Variants in TTN observed in about 807,000 individuals in gnomAD.
TTN encodes connectin.
A neutral mutation model predicts 3,223.0 loss-of-function variants in TTN; 1,525 were observed. That is an observed-to-expected ratio of 0.47 (90% CI 0.45 to 0.49). TTN has a LOEUF of 0.49. Among genes scored for constraint, TTN ranks in the 20% least tolerant of loss-of-function variants. The probability of loss-of-function intolerance (pLI) is 0.00; values close to 1 mark genes in which losing one functional copy is unlikely to be tolerated. For synonymous variants in TTN, 14,094 were observed against 15,161.0 expected, an observed-to-expected ratio of 0.93 and a Z score of 5.17; for missense variants, 40,786 against 43,424.0, an observed-to-expected ratio of 0.94 and a Z score of 5.40.
rs769624146 is a variant in TTN at position 178,604,711 on chromosome 2, A to G, written c.54378T>C (p.Tyr18126=). The change falls in exon 281 of 363, where the codon TAT becomes TAC. Residue 18126 remains tyrosine, a synonymous_variant. Coordinates refer to ENST00000589042, the MANE Select transcript of TTN (RefSeq NM_001267550.2). Reference sequence around the variant, plus strand: ...GAAAATATTCAGAAGAGTTTACCCCATATCTTTTCTCTACAGCAGTGTTGG... The same window carrying G: ...GAAAATATTCAGAAGAGTTTACCCCGTATCTTTTCTCTACAGCAGTGTTGG... ...EVTNTAVEKR[Y]GIWKLIPNGQ... 3.1e-6 allele frequency: 5 copies of G among 1,605,440 alleles called. No individual in the cohort carries two copies. The East Asian group carries it at 9.0e-5, about 29-fold the overall frequency.
At position 178,785,611 on chromosome 2, in the gene TTN, ACTT is replaced by A. The variant is rs1238359547; in HGVS notation, c.2493+6_2493+8del. On this transcript the variant is annotated splice_donor_region_variant and intron_variant, in intron 15 of 362. Transcript: ENST00000589042. ...AAACATTTCTGTATCATGCTCTGTA[ACTT>A]CTTACCTCATATCCATGTTCTGTCT... 2.5e-6 allele frequency: 4 copies of A among 1,613,882 alleles called. No individual in the cohort carries two copies. Among genetic ancestry groups the A allele is most frequent in the Non-Finnish European group, 3.4e-6 (4 of 1,179,998 alleles).
Position 178,612,523 on chromosome 2 carries a change from C to G in TTN, c.50002G>C (p.Ala16668Pro). Residue 16668 changes from alanine to proline, a missense_variant, in exon 266 of 363, where the codon GCA becomes CCA. Physicochemically the swap from Ala to Pro is conservative, Grantham distance 27. Coordinates refer to ENST00000589042, the MANE Select transcript of TTN (RefSeq NM_001267550.2). ...TCAGGAACTGTCCATTTTAGGTCTG[C>G]TGTATTTTTTGTGATATTAATAACT... ...LEVINITKNT[A>P]DLKWTVPEKD... 6.2e-7 allele frequency: 1 copy of G among 1,611,720 alleles called. No individual in the cohort carries two copies. Among genetic ancestry groups the G allele is most frequent in the Non-Finnish European group, 8.5e-7 (1 of 1,179,056 alleles).
At position 178,644,582 on chromosome 2, in the gene TTN, C is replaced by T. The variant is rs1159815730; in HGVS notation, c.40443G>A (p.Gln13481=). 10 of 1,579,184 alleles carry T rather than the reference C, an allele frequency of 6.3e-6. No individual in the cohort carries two copies. The highest frequency in any genetic ancestry group is 6.0e-5 in the South Asian group (5 of 83,594). The change falls in exon 218 of 363, where the codon CAG becomes CAA. Residue 13481 remains glutamine, a synonymous_variant. Coordinates refer to ENST00000589042, the MANE Select transcript of TTN (RefSeq NM_001267550.2). ...IPKKKVPEKP[Q]VPEKVELTPL... is the part of the protein sequence containing the mutation. Reference sequence around the variant, plus strand: ...GTGTAAGCTCCACTTTTTCTGGAACCTGAGGTTTTTCAGGAACTTTCTTCT... The same window carrying T: ...GTGTAAGCTCCACTTTTTCTGGAACTTGAGGTTTTTCAGGAACTTTCTTCT...
rs752794705 is a variant in TTN, at chr2:178,581,600, A to G, written c.66668T>C (p.Met22223Thr). Residue 22223 changes from methionine (M) to threonine (T), a missense_variant, in exon 316 of 363, where the codon ATG (methionine) becomes ACG (threonine). Met to Thr is a moderately conservative substitution (Grantham distance 81). Transcript: ENST00000589042. Reference protein sequence around the residue: ...QKTRFEVTGLMEDTQYQFRVY... With the variant: ...QKTRFEVTGLTEDTQYQFRVY... ...ACGGAATTGATATTGTGTGTCTTCCATCAGGCCAGTAACCTCAAAGCGGGT... is the reference window on the plus strand; with the variant it reads ...ACGGAATTGATATTGTGTGTCTTCCGTCAGGCCAGTAACCTCAAAGCGGGT... The G allele has an allele frequency of 6.2e-6, 10 of 1,612,666 alleles. No homozygotes were observed. The highest frequency in any genetic ancestry group is 8.5e-6 in the Non-Finnish European group (10 of 1,179,224).
At chr2:178,747,742 A>C in intron 47 of TTN, 1 of 1,611,558 alleles carries the variant, frequency 6.2e-7, no homozygotes, top group East Asian at 2.2e-5. Flanking sequence ...ATTTAGGAAT[A>C]TTTTGAGAAA....
Position 178,568,798 on chromosome 2 carries a change from C to T in TTN, c.77334G>A (p.Gly25778=), listed in dbSNP as rs756671220. The part of the protein sequence containing the change: ...LFRVVAVNEK[G]RSDPRSLAVP... ...CTGCAAGGGACCGAGGATCACTTCT[C>T]CCCTTTTCATTTACAGCAACAACTC... is the stretch of plus-strand genomic sequence containing the variant. Residue 25778 remains glycine (G), a synonymous_variant, in exon 326 of 363, where the codon GGG becomes GGA. Transcript: ENST00000589042. The T allele has an allele frequency of 6.2e-7, 1 of 1,613,186 alleles. No homozygotes were observed. The highest frequency in any genetic ancestry group is 2.2e-5 in the East Asian group (1 of 44,768).
Position 178,587,957 on chromosome 2 carries a change from T to G in TTN, c.63450A>C (p.Gln21150His). 6.2e-7 allele frequency: 1 copy of G among 1,610,964 alleles called. No individual in the cohort carries two copies. The highest frequency in any genetic ancestry group is 8.5e-7 in the Non-Finnish European group (1 of 1,178,484). Reference sequence around the variant, plus strand: ...GCTCTGCAGGGCGCCCAATACCAACTTGGTTTTGGGCACACACCCTGAACT... The same window carrying G: ...GCTCTGCAGGGCGCCCAATACCAACGTGGTTTTGGGCACACACCCTGAACT... ...EYEFRVCAQN[Q>H]VGIGRPAELK... Residue 21150 changes from glutamine (Q) to histidine (H), a missense_variant, in exon 305 of 363, where the codon CAA (glutamine) becomes CAC (histidine). Transcript: ENST00000589042.
rs1559147307 is a variant in TTN, at chr2:178,546,311, C to A, written c.95020G>T (p.Val31674Leu). Reference protein sequence around the residue: ...LQYTGKRATAVIKFCDRSDSG... With the variant: ...LQYTGKRATALIKFCDRSDSG... ...TCACTTCTGTCACAGAACTTGATCA[C>A]AGCAGTTGCTCGTTTGCCAGTATAC... Residue 31674 changes from valine (V) to leucine (L), a missense_variant, in exon 342 of 363, where the codon GTG becomes TTG. By Grantham distance (32) the Val-to-Leu change is conservative (BLOSUM62 1). Transcript: ENST00000589042. The A allele has an allele frequency of 6.2e-7, 1 of 1,613,872 alleles. No individual in the cohort carries two copies. Among genetic ancestry groups the A allele is most frequent in the Non-Finnish European group, 8.5e-7 (1 of 1,179,778 alleles).
At position 178,741,430 on chromosome 2, in the gene TTN, G is replaced by A. The variant is rs772747739; in HGVS notation, c.11803C>T (p.Pro3935Ser). 2 of 1,613,854 alleles carry A rather than the reference G, an allele frequency of 1.2e-6. No individual in the cohort carries two copies. Among genetic ancestry groups the A allele is most frequent in the Admixed American group, 1.7e-5 (1 of 60,000 alleles). ...TCCTTAAGGAAGTGAGGAGGACAAG[G>A]ACCTCCCAGCTTTTCCAGAGATTTT... Reference protein sequence around the residue: ...VAKSLEKLGGPCPPHFLKELK... With the variant: ...VAKSLEKLGGSCPPHFLKELK... The change falls in exon 48 of 363, where the codon CCT (proline) becomes TCT (serine). Residue 3935 changes from proline to serine, a missense_variant. Physicochemically the swap from Pro to Ser is moderately conservative, Grantham distance 74 (BLOSUM62 -1). Coordinates refer to ENST00000589042, the MANE Select transcript of TTN (RefSeq NM_001267550.2).
intron 1 of TTN, 117 bp from the exon 2 acceptor site, chr2:178,804,772 G>T: frequency 1.1e-6 from 1 of 884,918 alleles, no homozygotes; most frequent in Non-Finnish European, 1.8e-6. Context: ...GTCATCTGTG[G>T]GCCTAGAGTG....
chr2:178,804,364 C>T (rs2094211882), intron 2 of TTN, among the ~76,000 whole-genome samples, 188 bp downstream of exon 2: 1 of 152,084 alleles, frequency 6.6e-6, no homozygotes, highest in South Asian at 2.1e-4. Context: ...CATTTCAAGC[C>T]ATTATATTGT....
chr2:178,680,379 C>T, intron 138 of TTN, 48 bp from the exon 139 acceptor site: 1 of 1,478,004 alleles, frequency 6.8e-7, no homozygotes, highest in Non-Finnish European at 9.3e-7. Flanking sequence ...AAAAGGCCAC[C>T]CAGCCAATGC....
chr2:178,554,304 T>G, intron 332 of TTN, 88 bp from the exon 333 acceptor site: 1 of 1,448,716 alleles, frequency 6.9e-7, no homozygotes, highest in Non-Finnish European at 9.4e-7. Flanking sequence ...TCCAAGAACA[T>G]TGGTTTTATT....
chr2:178,759,536 G>A (rs976842084), intron 43 of TTN, among the ~76,000 whole-genome samples: 2 of 152,296 alleles, frequency 1.3e-5, no homozygotes, highest in Middle Eastern at 3.4e-3. Flanking sequence ...GAGTCATCAG[G>A]AAAGGTTTGA....
chr2:178,579,311 G>A lies in TTN; in HGVS notation c.67719C>T (p.Pro22573=), dbSNP rs1404359218. The change falls in exon 320 of 363, where the codon CCC becomes CCT. Residue 22573 remains proline, a synonymous_variant. Transcript: ENST00000589042. ...CTGATGGAGCTGGCTTGCCTTTTAT[G>A]GGGATCTTAAGCCGGAAGTTGCTGT... ...KENSNFRLKI[P]IKGKPAPSVS... is the part of the protein sequence containing the mutation. 1.9e-6 allele frequency: 3 copies of A among 1,610,656 alleles called. No homozygotes were observed. The highest frequency in any genetic ancestry group is 2.5e-6 in the Non-Finnish European group (3 of 1,177,932).
Position 178,573,858 on chromosome 2 carries a change from A to T in TTN, c.72274T>A (p.Ser24092Thr). Residue 24092 changes from serine (S) to threonine (T), a missense_variant, in exon 326 of 363, where the codon TCA becomes ACA. Ser to Thr is a moderately conservative substitution (Grantham distance 58). Transcript: ENST00000589042. ...TAGGCACCACTATCCCTTCTTGTTG[A>T]ATCTTTGTTTACCAGATTAGTAGAG... is the stretch of plus-strand genomic sequence containing the variant. ...DFSTNLVNKD[S>T]TRRDSGAYTL... The T allele has an allele frequency of 6.2e-7, 1 of 1,611,014 alleles. No individual in the cohort carries two copies. The highest frequency in any genetic ancestry group is 8.5e-7 in the Non-Finnish European group (1 of 1,177,878).
rs1024130293 is a variant in TTN, at chr2:178,783,845, T to A, written c.2776-60A>T. 3 of 1,360,820 alleles carry A rather than the reference T, an allele frequency of 2.2e-6. No individual in the cohort carries two copies. The African/African-American group carries it at 4.3e-5, about 20-fold the overall frequency. The allele number at this position is 1,360,820 out of a possible 1,614,324, so 84.3% of individuals were successfully genotyped here. A position where few individuals can be genotyped will look rare whatever the true frequency, so the allele number is the denominator to read the frequency against. On this transcript the variant is annotated intron_variant, in intron 16 of 362. Transcript: ENST00000589042. Reference sequence around the variant, plus strand: ...TGAAATTAAGGGAAATCTCATAAACTCTTAGCTCATGCAACATTATATAAT... The same window carrying A: ...TGAAATTAAGGGAAATCTCATAAACACTTAGCTCATGCAACATTATATAAT...
rs1349601055 is a variant in TTN, at chr2:178,745,988, C to T, written c.11312-4067G>A. On this transcript the variant is annotated intron_variant, in intron 47 of 362. Transcript: ENST00000589042. ...TATCACAGCAAATATTTCAGAATCT[C>T]CCATGGTGAGGAATCCCCGACAGAT... is the stretch of plus-strand genomic sequence containing the variant. 13 of 1,612,446 alleles carry T rather than the reference C, an allele frequency of 8.1e-6. No individual in the cohort carries two copies. Among genetic ancestry groups the T allele is most frequent in the East Asian group, 4.5e-5 (2 of 44,828 alleles).
chr2:178,684,589 G>A, intron 131 of TTN, 77 bp downstream of exon 131: 1 of 1,476,686 alleles, frequency 6.8e-7, no homozygotes, highest in Non-Finnish European at 9.3e-7. Context: ...TAAACAGTAT[G>A]ACCCAAAGAA....
Sources: allele counts gnomAD v4.1 joint callset (sites outside exome capture counted in the v4.1 genomes callset), GRCh38; gene constraint gnomAD v4.1.1; transcripts MANE v1.5; gene names NCBI Gene and HGNC (gene_info 2026-07-23, HGNC 2026-07-21).